The following AHCTF1 variants were observed in gnomAD, a reference collection of about 807,000 sequenced individuals.
AHCTF1 encodes the protein AT-hook containing transcription factor 1, also known as protein ELYS.
In AHCTF1, 24 loss-of-function variants were observed where a neutral mutation model predicts 248.4. The ratio of observed to expected loss-of-function variants is 0.10; its 90% CI spans 0.07 to 0.14. The LOEUF (loss-of-function observed/expected upper bound fraction) is 0.14. AHCTF1 is among the 10% of genes least tolerant of loss of function. The probability of loss-of-function intolerance (pLI) is 1.00; values close to 1 mark genes in which losing one functional copy is unlikely to be tolerated. For missense variants in AHCTF1, 2,206 were observed against 2,636.2 expected, an observed-to-expected ratio of 0.84 and a Z score of 3.57; for synonymous variants, 786 against 929.8, an observed-to-expected ratio of 0.85 and a Z score of 2.81.
chr1:246,859,399 A>C (rs1435259501), intron 29 of AHCTF1, among the ~76,000 whole-genome samples: 1 of 152,072 alleles, frequency 6.6e-6, no homozygotes, highest in African/African-American at 2.4e-5. Context: ...TTGTTAACCA[A>C]ACTGGATTCT....
chr1:246,887,177 C>A (rs1558248758), intron 20 of AHCTF1, 34 bp downstream of exon 20: 5 of 1,557,628 alleles, frequency 3.2e-6, no homozygotes, highest in Non-Finnish European at 3.5e-6. Context: ...TCTAGTAATT[C>A]ATGAAAGTTT....
chr1:246,919,325 T>C (rs1423918622), intron 1 of AHCTF1, among the ~76,000 whole-genome samples: 1 of 152,224 alleles, frequency 6.6e-6, no homozygotes, highest in Admixed American at 6.5e-5. Flanking sequence ...ACAATAAAGC[T>C]GTCCACATTG....
intron 26 of AHCTF1, among the ~76,000 whole-genome samples, chr1:246,866,485 A>C (rs980908594): frequency 1.1e-5 from 1 of 93,726 alleles, no homozygotes; most frequent in Non-Finnish European, 1.9e-5. Flanking sequence ...TTCAAGGTTT[A>C]ACATATGTCC....
chr1:246,851,404 T>A lies in AHCTF1; in HGVS notation c.4602A>T (p.Gly1534=). 6.2e-7 allele frequency: 1 copy of A among 1,612,120 alleles called. No homozygotes were observed. Among genetic ancestry groups the A allele is most frequent in the Non-Finnish European group, 8.5e-7 (1 of 1,178,894 alleles). The change falls in exon 33 of 36, where the codon GGA becomes GGT. Residue 1534 remains glycine, a synonymous_variant. Coordinates refer to ENST00000648844, the MANE Select transcript of AHCTF1 (RefSeq NM_001323342.2). ...EQEKLEAQDS[G]EEARNLSFNE... ...TAAATGAAAGATTCCTAGCCTCTTC[T>A]CCTGAATCTTGAGCTTCAAGCTTTT...
At chr1:246,885,231 G>A (rs1007492697) in intron 21 of AHCTF1, among the ~76,000 whole-genome samples, 1 of 152,148 alleles carries the variant, frequency 6.6e-6, no homozygotes, top group Non-Finnish European at 1.5e-5. Flanking sequence ...GGATCCCCAT[G>A]GATACCAAAA....
intron 8 of AHCTF1, among the ~76,000 whole-genome samples, chr1:246,901,121 T>C (rs1416820507): frequency 6.6e-6 from 1 of 151,960 alleles, no homozygotes; most frequent in Non-Finnish European, 1.5e-5. Context: ...GGCAGATCAA[T>C]TGAGCCCAGA....
intron 29 of AHCTF1, 118 bp downstream of exon 29, chr1:246,860,781 A>G (rs1417070502): frequency 7.3e-7 from 1 of 1,361,776 alleles, no homozygotes; most frequent in Non-Finnish European, 1.0e-6. Context: ...GCTGAGATTA[A>G]CTAGCATGAG....
intron 1 of AHCTF1, among the ~76,000 whole-genome samples, chr1:246,927,965 A>G (rs1043997924): frequency 1.3e-5 from 2 of 152,060 alleles, no homozygotes; most frequent in Non-Finnish European, 2.9e-5. Flanking sequence ...ACGCCACTGC[A>G]CTCCAGCCTG....
intron 21 of AHCTF1, among the ~76,000 whole-genome samples, chr1:246,881,771 G>T (rs764126844): frequency 1.4e-4 from 21 of 147,290 alleles, no homozygotes; most frequent in Non-Finnish European, 2.7e-4. Context: ...CTGGGAGGCA[G>T]AGGTTGCAGT....
intron 1 of AHCTF1, among the ~76,000 whole-genome samples, chr1:246,924,668 T>C (rs1011089369): frequency 7.9e-5 from 12 of 152,160 alleles, no homozygotes; most frequent in Admixed American, 2.0e-4. Context: ...AATTAAAATA[T>C]ATGAGTTATC....
At position 246,898,242 on chromosome 1, in the gene AHCTF1, C is replaced by A. The variant is rs1664736369; in HGVS notation, c.1589G>T (p.Arg530Ile). 1.9e-6 allele frequency: 3 copies of A among 1,612,194 alleles called. No individual in the cohort carries two copies. Among genetic ancestry groups the A allele is most frequent in the Non-Finnish European group, 2.5e-6 (3 of 1,179,998 alleles). ...ACTGGAAGGCTGAACATCAACAAAT[C>A]TTGGGGAAAGAAGGCCAGCTACAAG... ...RCLVAGLLSP[R>I]FVDVQPSSLS... The change falls in exon 12 of 36, where the codon AGA (arginine) becomes ATA (isoleucine). Residue 530 changes from arginine (R) to isoleucine (I), a missense_variant. Physicochemically the swap from Arg to Ile is moderately conservative, Grantham distance 97. Around this residue, in one of 6 missense-constraint regions of AHCTF1, gnomAD observed 650 missense variants for 870.8 expected, o/e 0.75. Coordinates refer to ENST00000648844, the MANE Select transcript of AHCTF1 (RefSeq NM_001323342.2).
intron 27 of AHCTF1, among the ~76,000 whole-genome samples, chr1:246,862,844 T>G (rs147246074): frequency 5.9e-4 from 90 of 152,322 alleles, no homozygotes; most frequent in African/African-American, 2.1e-3. Flanking sequence ...AAATTATGTA[T>G]CAGAATCCTC....
intron 27 of AHCTF1, among the ~76,000 whole-genome samples, chr1:246,862,484 A>G (rs1661641202): frequency 6.6e-6 from 1 of 152,142 alleles, no homozygotes; most frequent in African/African-American, 2.4e-5. Flanking sequence ...CGTCTCAAAA[A>G]AAAAAAAAAG....
intron 8 of AHCTF1, among the ~76,000 whole-genome samples, chr1:246,902,113 C>T (rs1175402820): frequency 6.6e-6 from 1 of 152,140 alleles, no homozygotes; most frequent in East Asian, 1.9e-4. Context: ...TTACGATAAT[C>T]TTGGCTTAAA....
chr1:246,848,415 A>G (rs540325068), intron 33 of AHCTF1, among the ~76,000 whole-genome samples: 1 of 151,394 alleles, frequency 6.6e-6, no homozygotes, highest in East Asian at 2.0e-4. Context: ...GTTAGCCAGG[A>G]TGGTCTCGAT....
At chr1:246,895,464 T>C (rs1664509170) in intron 13 of AHCTF1, among the ~76,000 whole-genome samples, 2 of 152,308 alleles carry the variant, frequency 1.3e-5, no homozygotes, top group African/African-American at 2.4e-5. Flanking sequence ...ACAATTTGGA[T>C]GAATTCCTAG....
intron 1 of AHCTF1, among the ~76,000 whole-genome samples, chr1:246,927,568 C>A (rs746463611): frequency 2.0e-5 from 3 of 152,236 alleles, no homozygotes; most frequent in Non-Finnish European, 4.4e-5. Context: ...CACCTACGTT[C>A]AGTACTGTAC....
At chr1:246,890,403 TGTACA>T (rs1409898585) in intron 16 of AHCTF1, among the ~76,000 whole-genome samples, 1 of 152,280 alleles carries the variant, frequency 6.6e-6, no homozygotes, top group East Asian at 1.9e-4. Flanking sequence ...TCAACAATTA[TGTACA>T]GTGGCAGAGG....
intron 24 of AHCTF1, among the ~76,000 whole-genome samples, chr1:246,871,815 G>C (rs1027821010): frequency 6.6e-6 from 1 of 151,874 alleles, no homozygotes; most frequent in African/African-American, 2.4e-5. Flanking sequence ...GGTAGCAGTG[G>C]CCTACTGCCA....
Sources: gnomAD v4.1 joint callset for allele counts (sites outside exome capture counted in the v4.1 genomes callset) on GRCh38, gnomAD v4.1.1 for gene constraint, gnomAD v4.1.1 regional missense constraint, MANE v1.5 for transcripts, NCBI Gene and HGNC (gene_info 2026-07-23, HGNC 2026-07-21) for gene names.